The following GABRB3 variants were observed in gnomAD, a reference collection of about 807,000 sequenced individuals.
GABRB3 encodes gamma-aminobutyric acid receptor subunit beta-3.
Under a neutral mutation model 52.1 loss-of-function variants are expected in GABRB3, and 14 were observed. The ratio of observed to expected loss-of-function variants is 0.27; its 90% CI spans 0.18 to 0.42. The LOEUF is 0.42. GABRB3 is among the 10% of genes least tolerant of loss of function. The pLI is 1.00. For synonymous variants in GABRB3, 260 were observed against 232.3 expected, an observed-to-expected ratio of 1.12 and a Z score of -1.08; for missense variants, 307 against 609.1, an observed-to-expected ratio of 0.50 and a Z score of 5.22.
At chr15:26,666,912 T>C (rs1392417791) in intron 3 of GABRB3, among the ~76,000 whole-genome samples, 1 of 152,116 alleles carries the variant, frequency 6.6e-6, no homozygotes, top group Admixed American at 6.5e-5. Context: ...CAGCCACCTC[T>C]AGATCTGAAC....
chr15:26,745,075 G>T (rs1890303126), intron 3 of GABRB3, among the ~76,000 whole-genome samples: 1 of 152,028 alleles, frequency 6.6e-6, no homozygotes, highest in African/African-American at 2.4e-5. Context: ...AGAGTGATTG[G>T]CAGGGGGAGG....
At chr15:26,679,498 G>A (rs772376084) in intron 3 of GABRB3, among the ~76,000 whole-genome samples, 8 of 152,070 alleles carry the variant, frequency 5.3e-5, no homozygotes, top group Middle Eastern at 3.2e-3. Flanking sequence ...CCAGATGCTC[G>A]TCCCTACCTC....
chr15:26,568,555 T>G (rs1890269807), intron 6 of GABRB3, among the ~76,000 whole-genome samples: 1 of 149,990 alleles, frequency 6.7e-6, no homozygotes, highest in African/African-American at 2.4e-5. Flanking sequence ...TGGAGGGCAG[T>G]GGCACGATCT....
At position 26,554,163 on chromosome 15, in the gene GABRB3, ATATATATATAAAG is replaced by A. The variant is rs1238589820; in HGVS notation, c.1081-6042_1081-6030del. On this transcript the variant is annotated intron_variant, in intron 8 of 8. Coordinates refer to ENST00000311550, the MANE Select transcript of GABRB3 (RefSeq NM_000814.6). ...TATAAAGTATATATATATATAAAGT[ATATATATATAAAG>A]TATATATATATATACTATATATATA... Among the ~76,000 whole-genome samples, 38 of 35,886 alleles carry A rather than the reference ATATATATATAAAG, an allele frequency of 1.1e-3. 2 individuals are homozygous for A. In the East Asian group the frequency reaches 0.033, roughly 32 times the overall value. The allele number at this position is 35,886 out of a possible 152,430, so 23.5% of individuals were successfully genotyped here.
chr15:26,595,834 C>T (rs1891377302), intron 4 of GABRB3, among the ~76,000 whole-genome samples: 1 of 152,146 alleles, frequency 6.6e-6, no homozygotes, highest in East Asian at 1.9e-4. Flanking sequence ...TCTTGCCTCT[C>T]CCTGAGAGGT....
intron 4 of GABRB3, among the ~76,000 whole-genome samples, chr15:26,601,660 T>C (rs1307256050): frequency 2.6e-5 from 4 of 152,196 alleles, no homozygotes; most frequent in African/African-American, 4.8e-5. Flanking sequence ...CTGTTTTGTT[T>C]GTTCATGCAA....
In GABRB3 at chr15:26,670,429, G is replaced by A. The variant is rs1036627457; in HGVS notation, c.241-48895C>T. Among the ~76,000 whole-genome samples, 3 of 152,188 alleles carry A rather than the reference G, an allele frequency of 2.0e-5. No individual in the cohort carries two copies. The South Asian group carries it at 6.2e-4, about 32-fold the overall frequency. On this transcript the variant is annotated intron_variant, in intron 3 of 8. Transcript: ENST00000311550. ...CAGCAGGGTCGTGGCTGGCTGCGGA[G>A]GGGCGCGGGAGGCTGGGCGCAGAGG...
chr15:26,657,603 A>G (rs1391437342), intron 3 of GABRB3, among the ~76,000 whole-genome samples: 1 of 152,210 alleles, frequency 6.6e-6, no homozygotes, highest in Non-Finnish European at 1.5e-5. Flanking sequence ...TGCTTTATAT[A>G]TGTGGCCTTG....
intron 3 of GABRB3, among the ~76,000 whole-genome samples, chr15:26,708,046 G>A (rs772824970): frequency 6.6e-6 from 1 of 152,136 alleles, no homozygotes; most frequent in Admixed American, 6.5e-5. Flanking sequence ...AAAAATTTCA[G>A]ATTTTGGAGC....
At chr15:26,729,262 G>A (rs1258186420) in intron 3 of GABRB3, among the ~76,000 whole-genome samples, 1 of 151,954 alleles carries the variant, frequency 6.6e-6, no homozygotes, top group Non-Finnish European at 1.5e-5. Flanking sequence ...CACTGCCTCC[G>A]ACTGGCCCTC....
intron 3 of GABRB3, among the ~76,000 whole-genome samples, chr15:26,765,129 CA>C (rs3917083): frequency 2.3e-4 from 25 of 111,042 alleles, no homozygotes; most frequent in Non-Finnish European, 2.2e-4. Context: ...GACTCCGACT[CA>C]AAAAAAAAAA....
At position 26,665,657 on chromosome 15, in the gene GABRB3, T is replaced by C. The variant is rs566399790; in HGVS notation, c.241-44123A>G. 4.6e-5 allele frequency among the ~76,000 whole-genome samples: 7 copies of C among 152,316 alleles called. No homozygotes were observed. In the South Asian group the frequency reaches 1.4e-3, roughly 32 times the overall value. On this transcript the variant is annotated intron_variant, in intron 3 of 8. Transcript: ENST00000311550. ...CCATAAATGCTCATGTGGGCACTCA[T>C]GTTGGAAGGGCTGGGCACTCCCGAC...
chr15:26,722,201 T>C lies in GABRB3; in HGVS notation c.240+50201A>G, dbSNP rs114662839. 4.2e-3 allele frequency among the ~76,000 whole-genome samples: 644 copies of C among 152,256 alleles called. 4 individuals carry two copies. The highest frequency in any genetic ancestry group is 0.031 in the Middle Eastern group (9 of 294). ...ATTAGAACAACCCGGAGAGCTTCAGTTGGGCTGGGGTGGAGCATGAGTTAT... is the reference window on the plus strand; with the variant it reads ...ATTAGAACAACCCGGAGAGCTTCAGCTGGGCTGGGGTGGAGCATGAGTTAT... On this transcript the variant is annotated intron_variant, in intron 3 of 8. Coordinates refer to ENST00000311550, the MANE Select transcript of GABRB3 (RefSeq NM_000814.6).
At chr15:26,690,205 G>C (rs1888545146) in intron 3 of GABRB3, among the ~76,000 whole-genome samples, 1 of 150,064 alleles carries the variant, frequency 6.7e-6, no homozygotes, top group South Asian at 2.1e-4. Context: ...AGCATTCTGA[G>C]TAACTGGGAA....
At chr15:26,571,060 T>C (rs886318805) in intron 6 of GABRB3, among the ~76,000 whole-genome samples, 4 of 152,214 alleles carry the variant, frequency 2.6e-5, no homozygotes, top group African/African-American at 4.8e-5. Flanking sequence ...AACATCCTTA[T>C]TGAATTGTAG....
chr15:26,626,891 A>G (rs563322518), intron 3 of GABRB3, among the ~76,000 whole-genome samples: 1 of 152,358 alleles, frequency 6.6e-6, no homozygotes, highest in East Asian at 1.9e-4. Flanking sequence ...ACACTAAACA[A>G]CAGGTTTTCA....
chr15:26,730,168 A>G (rs1889869942), intron 3 of GABRB3, among the ~76,000 whole-genome samples: 1 of 152,178 alleles, frequency 6.6e-6, no homozygotes, highest in Non-Finnish European at 1.5e-5. Context: ...GTCCAAGTGG[A>G]GAAAATGTAT....
chr15:26,667,012 C>T (rs990608867), intron 3 of GABRB3, among the ~76,000 whole-genome samples: 5 of 138,622 alleles, frequency 3.6e-5, no homozygotes, highest in Admixed American at 1.4e-4. Context: ...TGCCCACCCC[C>T]GTGCACACCA....
chr15:26,589,612 T>C (rs1288481849), intron 4 of GABRB3, among the ~76,000 whole-genome samples: 2 of 152,160 alleles, frequency 1.3e-5, no homozygotes, highest in Non-Finnish European at 2.9e-5. Flanking sequence ...TCTCTATCTC[T>C]CCTCAGCTTC....
Sources: allele counts gnomAD v4.1 joint callset (sites outside exome capture counted in the v4.1 genomes callset), GRCh38; gene constraint gnomAD v4.1.1; transcripts MANE v1.5; gene names NCBI Gene and HGNC (gene_info 2026-07-23, HGNC 2026-07-21).